Variants in DIAPH3 observed in about 807,000 individuals in gnomAD.
The protein encoded by DIAPH3 is protein diaphanous homolog 3.
A neutral mutation model predicts 144.3 loss-of-function variants in DIAPH3; 117 were observed. The ratio of observed to expected loss-of-function variants is 0.81; its 90% CI spans 0.70 to 0.95. DIAPH3 has a LOEUF of 0.95. DIAPH3 is among the 40% of genes least tolerant of loss of function. The pLI, the probability that DIAPH3 is intolerant of heterozygous loss-of-function variation, is 0.00. For missense variants in DIAPH3, 1,421 were observed against 1,412.7 expected, an observed-to-expected ratio of 1.01 and a Z score of -0.09; for synonymous variants, 519 against 488.9, an observed-to-expected ratio of 1.06 and a Z score of -0.81.
intron 20 of DIAPH3, among the ~76,000 whole-genome samples, chr13:59,896,099 G>A (rs1437596242): frequency 4.6e-5 from 7 of 152,188 alleles, no homozygotes; most frequent in African/African-American, 7.2e-5. Flanking sequence ...ATATGGAAAT[G>A]TAAGTTTAGA....
At position 60,163,602 on chromosome 13, in the gene DIAPH3, C is replaced by T; in HGVS notation, c.165G>A (p.Glu55=). The change falls in exon 1 of 28, where the codon GAG becomes GAA. Residue 55 remains glutamate (E), a synonymous_variant. Transcript: ENST00000400324. ...CGATACTCACAAACTTGGGGCGCTT[C>T]TCCCCAGGCTCCTCGGGGCCACTGG... ...PPPSGPEEPG[E]KRPKFHLNIR... is the part of the protein sequence containing the mutation. The T allele has an allele frequency of 6.3e-7, 1 of 1,594,984 alleles. No individual in the cohort carries two copies. Among genetic ancestry groups the T allele is most frequent in the Non-Finnish European group, 8.6e-7 (1 of 1,166,964 alleles).
At chr13:59,933,689 A>G (rs758024801) in intron 17 of DIAPH3, among the ~76,000 whole-genome samples, 1 of 152,174 alleles carries the variant, frequency 6.6e-6, no homozygotes, top group Non-Finnish European at 1.5e-5. Flanking sequence ...ACCGTTCAAA[A>G]ACTGTTCTGA....
chr13:59,790,341 A>G (rs1280007414), intron 25 of DIAPH3, among the ~76,000 whole-genome samples: 1 of 152,202 alleles, frequency 6.6e-6, no homozygotes, highest in Non-Finnish European at 1.5e-5. Context: ...AACCATATAG[A>G]TATCACAGTA....
chr13:60,064,072 T>C (rs561775817), intron 4 of DIAPH3, among the ~76,000 whole-genome samples: 1 of 152,350 alleles, frequency 6.6e-6, no homozygotes, highest in East Asian at 1.9e-4. Flanking sequence ...AAATGTTCAG[T>C]AAACCATGCT....
chr13:60,088,396 GTCC>G (rs1365259305), intron 4 of DIAPH3, among the ~76,000 whole-genome samples: 1 of 151,874 alleles, frequency 6.6e-6, no homozygotes, highest in Non-Finnish European at 1.5e-5. Flanking sequence ...TCTCAAACTT[GTCC>G]TCCTTCCCTC....
At chr13:59,920,519 T>C (rs1284360821) in intron 18 of DIAPH3, among the ~76,000 whole-genome samples, 2 of 151,716 alleles carry the variant, frequency 1.3e-5, no homozygotes, top group Non-Finnish European at 3.0e-5. Context: ...TATATGTGTA[T>C]ATGCATGTGT....
intron 17 of DIAPH3, among the ~76,000 whole-genome samples, chr13:59,951,707 G>C (rs913528737): frequency 6.6e-6 from 1 of 151,978 alleles, no homozygotes; most frequent in African/African-American, 2.4e-5. Flanking sequence ...ATCACTTTCA[G>C]TAAAATTTTG....
intron 1 of DIAPH3, among the ~76,000 whole-genome samples, chr13:60,146,895 T>A (rs1951550186): frequency 6.6e-6 from 1 of 152,204 alleles, no homozygotes; most frequent in Admixed American, 6.5e-5. Context: ...TGAAAATTAC[T>A]AAGGACTGCA....
rs559991017 is a variant in DIAPH3, at chr13:60,052,959, T to TA, written c.496-10140dup. ...CTGGTGACAGAGCCAGACTCCCTCT[T>TA]AAAAAAAAAAAAAAAAAAAAAGAAA... On this transcript the variant is annotated intron_variant, in intron 4 of 27. Coordinates refer to ENST00000400324, the MANE Select transcript of DIAPH3 (RefSeq NM_001042517.2). Among the ~76,000 whole-genome samples, 232 of 40,636 alleles carry TA rather than the reference T, an allele frequency of 5.7e-3. 13 individuals are homozygous for TA. Among genetic ancestry groups the TA allele is most frequent in the African/African-American group, 0.015 (104 of 6,888 alleles). 26.7% of individuals were successfully genotyped at this position (40,636 alleles called of 152,430 possible).
chr13:59,868,268 T>A (rs2037699753), intron 21 of DIAPH3, among the ~76,000 whole-genome samples: 2 of 152,194 alleles, frequency 1.3e-5, no homozygotes, highest in African/African-American at 2.4e-5. Context: ...AATCTAATAA[T>A]AAGAATTTCT....
At chr13:59,942,197 G>C (rs2048570688) in intron 17 of DIAPH3, among the ~76,000 whole-genome samples, 2 of 152,046 alleles carry the variant, frequency 1.3e-5, no homozygotes, top group Admixed American at 6.6e-5. Context: ...GCACCATTTG[G>C]AATAATTAAC....
chr13:59,732,071 ATC>A (rs532165134), intron 27 of DIAPH3, among the ~76,000 whole-genome samples: 16 of 152,068 alleles, frequency 1.1e-4, no homozygotes, highest in Non-Finnish European at 1.5e-5. Flanking sequence ...AAGCGAGTTA[ATC>A]TCTTATTCTG....
rs59987412 is a variant in DIAPH3 at position 59,729,810 on chromosome 13, A to ATTTTTTTTTTTT, written c.3319+44367_3319+44378dup. Among the ~76,000 whole-genome samples the ATTTTTTTTTTTT allele has an allele frequency of 1.0e-4, 14 of 134,246 alleles. 1 individual carries two copies. The highest frequency in any genetic ancestry group is 4.0e-4 in the African/African-American group (13 of 32,640). 88.1% of individuals were successfully genotyped at this position (134,246 alleles called of 152,430 possible). ...TGTGACTTCCGGTGAATACATTAATATTTTTTTTTTTTTTTTTTTGAGATA... is the reference window on the plus strand; with the variant it reads ...TGTGACTTCCGGTGAATACATTAATATTTTTTTTTTTTTTTTTTTTTTTTTTTTTTTGAGATA... On this transcript the variant is annotated intron_variant, in intron 27 of 27. Transcript: ENST00000400324.
chr13:59,726,170 A>G (rs771938079), intron 27 of DIAPH3, among the ~76,000 whole-genome samples: 1 of 152,222 alleles, frequency 6.6e-6, no homozygotes, highest in African/African-American at 2.4e-5. Flanking sequence ...TATAGAAAGC[A>G]TTTTATATAA....
At chr13:59,864,847 A>G (rs967376447) in intron 21 of DIAPH3, among the ~76,000 whole-genome samples, 1 of 152,048 alleles carries the variant, frequency 6.6e-6, no homozygotes, top group Non-Finnish European at 1.5e-5. Flanking sequence ...TCTAGTATTA[A>G]AAAGTACACT....
intron 5 of DIAPH3, among the ~76,000 whole-genome samples, chr13:60,041,609 T>C (rs1292642488): frequency 6.6e-6 from 1 of 152,162 alleles, no homozygotes; most frequent in Non-Finnish European, 1.5e-5. Context: ...AAAAAAGTAA[T>C]AATCAGAGCA....
chr13:60,116,769 G>A (rs2058715354), intron 2 of DIAPH3, among the ~76,000 whole-genome samples: 1 of 151,984 alleles, frequency 6.6e-6, no homozygotes, highest in East Asian at 1.9e-4. Context: ...GGTTCTAACA[G>A]TAATAGAAGA....
At chr13:59,900,377 C>T (rs533146902) in intron 20 of DIAPH3, among the ~76,000 whole-genome samples, 28 of 152,218 alleles carry the variant, frequency 1.8e-4, no homozygotes, top group African/African-American at 6.5e-4. Flanking sequence ...GTTGTCATGG[C>T]CACTAGCTTC....
chr13:59,930,244 A>T (rs141629756), intron 17 of DIAPH3, among the ~76,000 whole-genome samples: 4 of 152,208 alleles, frequency 2.6e-5, no homozygotes, highest in Non-Finnish European at 5.9e-5. Context: ...GTGTTAGGCA[A>T]CAAAGATACA....
Sources: allele counts gnomAD v4.1 joint callset (sites outside exome capture counted in the v4.1 genomes callset), GRCh38; gene constraint gnomAD v4.1.1; transcripts MANE v1.5; gene names NCBI Gene and HGNC (gene_info 2026-07-23, HGNC 2026-07-21).